Variants in TTL observed in about 807,000 individuals in gnomAD.
The protein encoded by TTL is tubulin tyrosine ligase, also known as tubulin--tyrosine ligase.
Under a neutral mutation model 41.1 loss-of-function variants are expected in TTL, and 10 were observed. The ratio of observed to expected loss-of-function variants is 0.24; its 90% CI spans 0.15 to 0.41. The LOEUF is 0.41. Ranked by LOEUF, TTL falls within the 10% of genes least tolerant of loss-of-function variation. TTL has a pLI of 1.00. For synonymous variants in TTL, 175 were observed against 175.5 expected, an observed-to-expected ratio of 1.00 and a Z score of 0.02; for missense variants, 367 against 460.4, an observed-to-expected ratio of 0.80 and a Z score of 1.86.
intron 1 of TTL, among the ~76,000 whole-genome samples, chr2:112,484,801 C>T (rs1009019134): frequency 3.3e-5 from 5 of 152,138 alleles, no homozygotes; most frequent in African/African-American, 1.2e-4. Context: ...CAGCTAATGC[C>T]TGCCTGAAAC....
intron 5 of TTL, among the ~76,000 whole-genome samples, chr2:112,510,659 C>G (rs142976295): frequency 3.3e-5 from 5 of 151,918 alleles, no homozygotes; most frequent in African/African-American, 1.2e-4. Context: ...TTAGGAGACA[C>G]GGGGTTTCTC....
chr2:112,488,960 G>A lies in TTL; in HGVS notation c.236+2965G>A, dbSNP rs184177281. Among the ~76,000 whole-genome samples, 668 of 150,596 alleles carry A rather than the reference G, an allele frequency of 4.4e-3. 1 individual carries two copies. Among genetic ancestry groups the A allele is most frequent in the Non-Finnish European group, 6.6e-3 (447 of 67,660 alleles). On this transcript the variant is annotated intron_variant, in intron 2 of 6. Transcript: ENST00000233336. ...AAATTAGCTGGGCATGGTGGCAGGC[G>A]CCTGTAGTCCCAGCTACTTGGGAGG...
chr2:112,502,644 A>C (rs1184953785), intron 4 of TTL, among the ~76,000 whole-genome samples: 1 of 135,058 alleles, frequency 7.4e-6, no homozygotes, highest in Non-Finnish European at 1.6e-5. Context: ...TCTCAAAAAA[A>C]AAAAAAAAAT....
intron 5 of TTL, among the ~76,000 whole-genome samples, chr2:112,503,803 T>A (rs1439661052): frequency 2.8e-5 from 2 of 70,966 alleles, no homozygotes; most frequent in African/African-American, 7.6e-5. Flanking sequence ...ATCCGTAAAC[T>A]TCTTTTTTTT....
chr2:112,510,119 T>C (rs916191924), intron 5 of TTL, among the ~76,000 whole-genome samples: 1 of 152,198 alleles, frequency 6.6e-6, no homozygotes, highest in Admixed American at 6.5e-5. Context: ...ATTTACTCTT[T>C]TTCTAGTTGT....
At chr2:112,516,078 G>T (rs986367196) in intron 5 of TTL, among the ~76,000 whole-genome samples, 3 of 152,040 alleles carry the variant, frequency 2.0e-5, no homozygotes, top group African/African-American at 7.2e-5. Context: ...TATGTAAATG[G>T]AATTATACCA....
In TTL at chr2:112,533,051, A is replaced by G. The variant is rs1448734999; in HGVS notation, c.*4256A>G. On this transcript the variant is annotated 3_prime_UTR_variant, in exon 7 of 7. Coordinates refer to ENST00000233336, the MANE Select transcript of TTL (RefSeq NM_153712.5). ...GGATAGAAAGAGTTTCATTAATGCAAATTGTTATTAACTTGTAACTTCTTG... is the reference window on the plus strand; with the variant it reads ...GGATAGAAAGAGTTTCATTAATGCAGATTGTTATTAACTTGTAACTTCTTG... 1 of 152,206 alleles carries G rather than the reference A, an allele frequency of 6.6e-6. No homozygotes were observed. Among genetic ancestry groups the G allele is most frequent in the African/African-American group, 2.4e-5 (1 of 41,440 alleles). The allele number at this position is 152,206 out of a possible 1,614,324, so 9.4% of individuals were successfully genotyped here.
chr2:112,503,387 ATG>A (rs932856547), intron 5 of TTL, among the ~76,000 whole-genome samples: 45 of 142,124 alleles, frequency 3.2e-4, no homozygotes, highest in Non-Finnish European at 4.1e-4. Context: ...GTGTGTGTGT[ATG>A]TGTGTGTGTG....
chr2:112,489,568 A>C lies in TTL; in HGVS notation c.236+3573A>C, dbSNP rs924857503. 2.6e-5 allele frequency among the ~76,000 whole-genome samples: 4 copies of C among 152,262 alleles called. No individual in the cohort carries two copies. The South Asian group carries it at 8.3e-4, about 31-fold the overall frequency. ...ATTCAAAGATGTATTGAATATATTG[A>C]AAAGTAACTCTAAATTTACCAATGT... On this transcript the variant is annotated intron_variant, in intron 2 of 6. Transcript: ENST00000233336.
chr2:112,501,532 C>T (rs1351475227), intron 4 of TTL, among the ~76,000 whole-genome samples, 191 bp downstream of exon 4: 5 of 151,732 alleles, frequency 3.3e-5, no homozygotes, highest in Admixed American at 6.6e-5. Flanking sequence ...TTTTTTCCAT[C>T]TAGAAAATGT....
intron 1 of TTL, among the ~76,000 whole-genome samples, chr2:112,485,613 A>G (rs1681219902): frequency 6.6e-6 from 1 of 152,218 alleles, no homozygotes; most frequent in Non-Finnish European, 1.5e-5. Flanking sequence ...GCAGTCAGGG[A>G]GAGGTGAAAT....
chr2:112,521,592 A>T (rs1682232771), intron 6 of TTL, among the ~76,000 whole-genome samples: 1 of 152,212 alleles, frequency 6.6e-6, no homozygotes, highest in Admixed American at 6.5e-5. Context: ...CCATTGCCTG[A>T]TGGTTACGAC....
Position 112,498,498 on chromosome 2 carries a change from G to A in TTL, c.470-2708G>A, listed in dbSNP as rs534150947. On this transcript the variant is annotated intron_variant, in intron 3 of 6. Coordinates refer to ENST00000233336, the MANE Select transcript of TTL (RefSeq NM_153712.5). ...GACAGACATACCGTGTTCATGGATTGCAGGACAGTATAGTAAAGATGTCAG... is the reference window on the plus strand; with the variant it reads ...GACAGACATACCGTGTTCATGGATTACAGGACAGTATAGTAAAGATGTCAG... Among the ~76,000 whole-genome samples the A allele has an allele frequency of 2.0e-5, 3 of 152,304 alleles. No individual in the cohort carries two copies. The South Asian group carries it at 6.2e-4, about 32-fold the overall frequency.
rs554154942 is a variant in TTL, at chr2:112,530,435, C to T, written c.*1640C>T. 4 of 229,518 alleles carry T rather than the reference C, an allele frequency of 1.7e-5. No homozygotes were observed. The East Asian group carries it at 2.5e-4, about 14-fold the overall frequency. The allele number at this position is 229,518 out of a possible 1,614,324, so 14.2% of individuals were successfully genotyped here. On this transcript the variant is annotated 3_prime_UTR_variant, in exon 7 of 7. Transcript: ENST00000233336. ...CCAGAATACAGATTTAAAAGTTTGC[C>T]TGTAGAGCAAAATAAAACAGTCAGT...
intron 5 of TTL, among the ~76,000 whole-genome samples, chr2:112,518,952 G>A (rs1347012333): frequency 6.6e-6 from 1 of 152,142 alleles, no homozygotes; most frequent in Non-Finnish European, 1.5e-5. Context: ...TAGGATTATA[G>A]GCGTGAGCCA....
chr2:112,528,884 C>A lies in TTL; in HGVS notation c.*89C>A. On this transcript the variant is annotated 3_prime_UTR_variant, in exon 7 of 7. Coordinates refer to ENST00000233336, the MANE Select transcript of TTL (RefSeq NM_153712.5). ...ACTGGATTGCTCTTTATCCAGCCCACAGCAGGGGAAAGAAAGGCAACTCGC... is the reference window on the plus strand; with the variant it reads ...ACTGGATTGCTCTTTATCCAGCCCAAAGCAGGGGAAAGAAAGGCAACTCGC... 9.2e-7 allele frequency: 1 copy of A among 1,087,356 alleles called. No homozygotes were observed. The highest frequency in any genetic ancestry group is 1.4e-6 in the Non-Finnish European group (1 of 712,250). The allele number at this position is 1,087,356 out of a possible 1,614,324, so 67.4% of individuals were successfully genotyped here. A position where few individuals can be genotyped will look rare whatever the true frequency, so the allele number is the denominator to read the frequency against.
chr2:112,520,307 G>A lies in TTL; in HGVS notation c.901G>A (p.Ala301Thr), dbSNP rs772557363. 5 of 1,614,164 alleles carry A rather than the reference G, an allele frequency of 3.1e-6. No individual in the cohort carries two copies. In the South Asian group the frequency reaches 5.5e-5, roughly 18 times the overall value. The change falls in exon 6 of 7, where the codon GCC becomes ACC. Residue 301 changes from alanine to threonine, a missense_variant. By Grantham distance (58) the Ala-to-Thr change is moderately conservative. Coordinates refer to ENST00000233336, the MANE Select transcript of TTL (RefSeq NM_153712.5). ...IRNCLLSVEP[A>T]ISTKHLPYQS... ...GAACTGCCTCCTGAGCGTGGAGCCT[G>A]CCATTAGCACCAAGCACCTCCCTTA...
intron 5 of TTL, among the ~76,000 whole-genome samples, chr2:112,515,686 G>A (rs971925316): frequency 4.6e-5 from 7 of 152,072 alleles, no homozygotes; most frequent in South Asian, 4.1e-4. Flanking sequence ...GACGGCTCAC[G>A]CCTGTAATCC....
At chr2:112,526,386 G>C (rs908397621) in intron 6 of TTL, among the ~76,000 whole-genome samples, 10 of 152,160 alleles carry the variant, frequency 6.6e-5, no homozygotes, top group Admixed American at 2.0e-4. Flanking sequence ...TTGTACCTCT[G>C]GTAGAATTTG....
Sources: gnomAD v4.1 joint callset for allele counts (sites outside exome capture counted in the v4.1 genomes callset) on GRCh38, gnomAD v4.1.1 for gene constraint, MANE v1.5 for transcripts, NCBI Gene and HGNC (gene_info 2026-07-23, HGNC 2026-07-21) for gene names.